Variants in DEF8 observed in about 807,000 individuals in gnomAD.
DEF8 encodes differentially expressed in FDCP 8 homolog, also known as DEF-8.
DEF8 carries 38 observed loss-of-function variants against 59.1 expected under a neutral mutation model. That is an observed-to-expected ratio of 0.64 (90% CI 0.50 to 0.84). The LOEUF is 0.84. Among genes scored for constraint, DEF8 ranks in the 40% least tolerant of loss-of-function variants. The probability of loss-of-function intolerance (pLI) is 0.00; values close to 1 mark genes in which losing one functional copy is unlikely to be tolerated. For missense variants in DEF8, 557 were observed against 615.2 expected (o/e 0.91, Z 1.00); for synonymous variants, 265 against 250.1 (o/e 1.06, Z -0.56).
intron 5 of DEF8, 103 bp downstream of exon 5, chr16:89,957,763 C>T: frequency 7.3e-7 from 1 of 1,364,022 alleles, no homozygotes. Flanking sequence ...AGGCGGTGGT[C>T]TCTCTCTCGG....
chr16:89,955,180 G>C lies in DEF8; in HGVS notation c.136G>C (p.Glu46Gln). Residue 46 changes from glutamate to glutamine, a missense_variant, in exon 4 of 13, where the codon GAG becomes CAG. Transcript: ENST00000563594. ...PDVTPEEALP[E>Q]LPPGEPEFRC... is the part of the protein sequence containing the mutation. ...CCGTCTTCCTCCAGAGGCCCTGCCT[G>C]AGCTGCCCCCTGGGGAGCCGGAATT... is the stretch of plus-strand genomic sequence containing the variant. 6.2e-7 allele frequency: 1 copy of C among 1,613,388 alleles called. No individual in the cohort carries two copies. Among genetic ancestry groups the C allele is most frequent in the Non-Finnish European group, 8.5e-7 (1 of 1,179,890 alleles).
intron 10 of DEF8, 144 bp downstream of exon 10, chr16:89,963,587 A>G: frequency 1.6e-6 from 1 of 636,262 alleles, no homozygotes; most frequent in South Asian, 1.9e-5. Flanking sequence ...GGAACAAAGC[A>G]AACAGGTGTT....
chr16:89,950,253 T>G (rs2031758682), intron 2 of DEF8: 1 of 985,536 alleles, frequency 1.0e-6, no homozygotes, highest in Non-Finnish European at 1.2e-6. Context: ...AGTGCCAGTC[T>G]GTTCTGAGCA....
intron 9 of DEF8, among the ~76,000 whole-genome samples, chr16:89,962,928 G>C (rs1376576339): frequency 6.6e-6 from 1 of 152,352 alleles, no homozygotes; most frequent in African/African-American, 2.4e-5. Flanking sequence ...GGGAGCCGAG[G>C]GCAGACGGGA....
chr16:89,963,949 G>C (rs554133135), intron 10 of DEF8: 1 of 652,410 alleles, frequency 1.5e-6, no homozygotes, highest in Non-Finnish European at 2.8e-6. Context: ...GGCTGCCTTA[G>C]GGAGTGGAGG....
At chr16:89,961,218 A>G (rs8063761) in intron 7 of DEF8, 123 bp downstream of exon 7, 1 of 1,273,012 alleles carries the variant, frequency 7.9e-7, no homozygotes, top group African/African-American at 1.5e-5. Context: ...TGCCTGCTTG[A>G]TATCTTTAGG....
At chr16:89,958,958 GA>G in intron 5 of DEF8, 55 bp from the exon 6 acceptor site, 20 of 1,593,264 alleles carry the variant, frequency 1.3e-5, no homozygotes, top group Non-Finnish European at 1.7e-5. Flanking sequence ...TGTGCGAAGG[GA>G]AAGGAACTTC....
intron 2 of DEF8, 124 bp downstream of exon 2, chr16:89,949,637 A>G: frequency 1.9e-6 from 3 of 1,609,468 alleles, no homozygotes; most frequent in Non-Finnish European, 2.5e-6. Context: ...GCGGGAGGCC[A>G]GGTCCGTGCA....
At chr16:89,956,740 C>G (rs1311219094) in intron 4 of DEF8, 1 of 152,218 alleles carries the variant, frequency 6.6e-6, no homozygotes, top group Non-Finnish European at 1.5e-5. Context: ...AGCTCCTGAG[C>G]TCAAGTGATC....
intron 2 of DEF8, among the ~76,000 whole-genome samples, chr16:89,952,371 C>G (rs1294556306): frequency 1.3e-5 from 2 of 152,116 alleles, no homozygotes; most frequent in African/African-American, 4.8e-5. Context: ...TCAGGGAGAA[C>G]ACGTACTTCC....
rs2032678514 is a variant in DEF8 at position 89,954,041 on chromosome 16, C to T, written c.-10-202C>T. 1.7e-6 allele frequency: 1 copy of T among 589,794 alleles called. No individual in the cohort carries two copies. The highest frequency in any genetic ancestry group is 2.2e-5 in the South Asian group (1 of 45,994). 36.5% of individuals were successfully genotyped at this position (589,794 alleles called of 1,614,324 possible). ...CCGTGAGCTCTTTCCAAGGGGACGC[C>T]ACCAGTGGGGGCCTGGGCAGGAGGC... On this transcript the variant is annotated intron_variant, in intron 2 of 12. Coordinates refer to ENST00000563594, the MANE Select transcript of DEF8 (RefSeq NM_001242818.2). This position sits in a 1 kb window ranked among gnomAD's most constrained non-coding sequence, Gnocchi z 4.3.
intron 10 of DEF8, among the ~76,000 whole-genome samples, 196 bp downstream of exon 10, chr16:89,963,639 C>T (rs918877934): frequency 1.3e-5 from 2 of 152,190 alleles, no homozygotes; most frequent in African/African-American, 4.8e-5. Flanking sequence ...GTTTGGCAAA[C>T]CCTGCAGCCC....
chr16:89,952,984 C>G (rs562055464), intron 2 of DEF8, among the ~76,000 whole-genome samples: 1 of 152,354 alleles, frequency 6.6e-6, no homozygotes, highest in South Asian at 2.1e-4. Context: ...TGACCCTGAG[C>G]AGGGCCGTCC....
chr16:89,955,965 C>T (rs370388064), intron 4 of DEF8, among the ~76,000 whole-genome samples: 19 of 151,246 alleles, frequency 1.3e-4, no homozygotes, highest in Non-Finnish European at 1.8e-4. Flanking sequence ...CCCAGCTACT[C>T]GGGAGGCTGA....
In DEF8 at chr16:89,961,086, A is replaced by C; in HGVS notation, c.670A>C (p.Ile224Leu). Reference protein sequence around the residue: ...DYRCAECRAPISLRGVPSEAR... With the variant: ...DYRCAECRAPLSLRGVPSEAR... ...CCGCTGTGCCGAGTGCCGGGCGCCC[A>C]TCTCTCTGCGTGAGTGGTGGCAGGG... is the stretch of plus-strand genomic sequence containing the variant. The change falls in exon 7 of 13, where the codon ATC becomes CTC. Residue 224 changes from isoleucine to leucine, a missense_variant. Ile to Leu is a conservative substitution (Grantham distance 5, BLOSUM62 2). Coordinates refer to ENST00000563594, the MANE Select transcript of DEF8 (RefSeq NM_001242818.2). 6.2e-7 allele frequency: 1 copy of C among 1,611,798 alleles called. No individual in the cohort carries two copies. The highest frequency in any genetic ancestry group is 8.5e-7 in the Non-Finnish European group (1 of 1,178,206).
At chr16:89,962,174 G>A (rs2034112441) in intron 9 of DEF8, 49 bp downstream of exon 9, 1 of 1,525,638 alleles carries the variant, frequency 6.6e-7, no homozygotes, top group Admixed American at 1.8e-5. Context: ...GTGTCAGGTG[G>A]GCCCTAGGGC....
intron 12 of DEF8, 103 bp downstream of exon 12, chr16:89,964,678 C>T: frequency 1.2e-6 from 1 of 817,450 alleles, no homozygotes; most frequent in Non-Finnish European, 2.0e-6. Flanking sequence ...GGAGCTGGCA[C>T]TGCTCCCCCG....
At chr16:89,963,796 G>A (rs2034334330) in intron 10 of DEF8, 1 of 488,918 alleles carries the variant, frequency 2.0e-6, no homozygotes, top group African/African-American at 1.9e-5. Flanking sequence ...AGACAGGAAT[G>A]CTTGCCCTTA....
rs1042369089 is a variant in DEF8, at chr16:89,961,939, C to T, written c.808-73C>T. ...GGGGTTGGGGTGTGGAGCCGGTGTACCCCTGGTTGGGTGTTGCCCGCTGCA... is the reference window on the plus strand; with the variant it reads ...GGGGTTGGGGTGTGGAGCCGGTGTATCCCTGGTTGGGTGTTGCCCGCTGCA... On this transcript the variant is annotated intron_variant, in intron 8 of 12. Transcript: ENST00000563594. 1.9e-6 allele frequency: 3 copies of T among 1,604,716 alleles called. No homozygotes were observed. The African/African-American group carries it at 4.0e-5, about 21-fold the overall frequency.
Sources: gnomAD v4.1 joint callset for allele counts (sites outside exome capture counted in the v4.1 genomes callset) on GRCh38, gnomAD v4.1.1 for gene constraint, Gnocchi (gnomAD v3.1) non-coding constraint, MANE v1.5 for transcripts, NCBI Gene and HGNC (gene_info 2026-07-23, HGNC 2026-07-21) for gene names.